The following ZYG11B variants were observed in gnomAD, a reference collection of about 807,000 sequenced individuals.
ZYG11B encodes protein zyg-11 homolog B.
ZYG11B carries 36 observed loss-of-function variants against 82.4 expected under a neutral mutation model. The ratio of observed to expected loss-of-function variants is 0.44; its 90% CI spans 0.33 to 0.58. The LOEUF (loss-of-function observed/expected upper bound fraction) is 0.58, where lower values mean the gene tolerates loss of function less well. Among genes scored for constraint, ZYG11B ranks in the 20% least tolerant of loss-of-function variants. The pLI, the probability that ZYG11B is intolerant of heterozygous loss-of-function variation, is 0.02. For synonymous variants in ZYG11B, 303 were observed against 312.8 expected (o/e 0.97, Z 0.33); for missense variants, 552 against 895.6 (o/e 0.62, Z 4.90).
At chr1:52,797,721 G>T (rs971410172) in intron 8 of ZYG11B, among the ~76,000 whole-genome samples, 3 of 151,020 alleles carry the variant, frequency 2.0e-5, no homozygotes, top group African/African-American at 7.3e-5. Context: ...ATGTTAGCCA[G>T]GATGGTCTCG....
At chr1:52,738,461 A>T (rs557394278) in intron 1 of ZYG11B, among the ~76,000 whole-genome samples, 1 of 151,654 alleles carries the variant, frequency 6.6e-6, no homozygotes, top group Non-Finnish European at 1.5e-5. Context: ...GATTACAGGC[A>T]TGAGCCACTA....
At chr1:52,817,825 T>A (rs1328426273) in intron 13 of ZYG11B, among the ~76,000 whole-genome samples, 65 of 14,044 alleles carry the variant, frequency 4.6e-3, no homozygotes, top group Non-Finnish European at 6.3e-3. Context: ...ATTTTTTTTT[T>A]TTTTTTTTTT....
intron 1 of ZYG11B, among the ~76,000 whole-genome samples, chr1:52,731,226 G>A (rs1164971004): frequency 6.6e-6 from 1 of 151,084 alleles, no homozygotes; most frequent in Non-Finnish European, 1.5e-5. Context: ...TGTGAGCTGC[G>A]ATTGTGCCAC....
In ZYG11B at chr1:52,756,574, A is replaced by G. The variant is rs762739340; in HGVS notation, c.147A>G (p.Val49=). The G allele has an allele frequency of 1.9e-6, 3 of 1,614,136 alleles. No homozygotes were observed. Among genetic ancestry groups the G allele is most frequent in the Admixed American group, 3.3e-5 (2 of 60,002 alleles). The change falls in exon 2 of 14, where the codon GTA becomes GTG. Residue 49 remains valine (V), a synonymous_variant. Transcript: ENST00000294353. ...CATTGTGTCTGCAGGAACCTGGAGT[A>G]TTCCCACAGGAGGTGGCTGATCGAC... ...DGTLCLQEPG[V]FPQEVADRLL...
At chr1:52,801,218 T>C (rs1463360131) in intron 8 of ZYG11B, among the ~76,000 whole-genome samples, 1 of 152,106 alleles carries the variant, frequency 6.6e-6, no homozygotes, top group Middle Eastern at 3.2e-3. Context: ...CAGGGAAGGC[T>C]GAGGAGGGAG....
intron 6 of ZYG11B, among the ~76,000 whole-genome samples, chr1:52,795,644 A>T (rs1029022703): frequency 6.6e-6 from 1 of 152,040 alleles, no homozygotes; most frequent in Non-Finnish European, 1.5e-5. Context: ...GTTCTTTCTT[A>T]CTTCCTCAAA....
chr1:52,749,639 C>T (rs781091610), intron 1 of ZYG11B, among the ~76,000 whole-genome samples: 3 of 151,874 alleles, frequency 2.0e-5, no homozygotes, highest in Non-Finnish European at 4.4e-5. Flanking sequence ...GTTTTGCTCT[C>T]GTCGCCCAGG....
chr1:52,806,961 C>T (rs1281800920), intron 10 of ZYG11B, among the ~76,000 whole-genome samples: 3 of 151,786 alleles, frequency 2.0e-5, no homozygotes, highest in Non-Finnish European at 2.9e-5. Flanking sequence ...CTCCACCTCC[C>T]GGGTTCAAGT....
intron 3 of ZYG11B, among the ~76,000 whole-genome samples, chr1:52,776,248 A>ATATATATATATATATATATATAT (rs1425431576): frequency 2.1e-4 from 20 of 94,758 alleles, no homozygotes; most frequent in Non-Finnish European, 4.6e-4. Context: ...ATATATATGC[A>ATATATATATATATATATATATAT]ATAAAGTTGG....
At chr1:52,734,967 G>A (rs2149918104) in intron 1 of ZYG11B, among the ~76,000 whole-genome samples, 1 of 151,448 alleles carries the variant, frequency 6.6e-6, no homozygotes, top group African/African-American at 2.4e-5. Flanking sequence ...GACCTCAGGT[G>A]ATCCGCCCGC....
rs143885651 is a variant in ZYG11B at position 52,742,485 on chromosome 1, AAG to A, written c.31-13967_31-13966del. 8.4e-3 allele frequency among the ~76,000 whole-genome samples: 1,275 copies of A among 151,896 alleles called. 21 individuals are homozygous for A. The highest frequency in any genetic ancestry group is 0.03 in the African/African-American group (1,226 of 41,422). ...ATAAAAGATAGAAAAAGAGATGTAA[AAG>A]AGAGAATTTTTTTTGTATTTTTTTA... On this transcript the variant is annotated intron_variant, in intron 1 of 13. Transcript: ENST00000294353.
intron 8 of ZYG11B, among the ~76,000 whole-genome samples, chr1:52,797,273 A>ATAAATATTTATATTATATATAT (rs576273107): frequency 2.3e-5 from 2 of 85,524 alleles, no homozygotes; most frequent in African/African-American, 1.1e-4. Context: ...TATTATATAT[A>ATAAATATTTATATTATATATAT]AAATATTTAT....
At chr1:52,814,270 C>G (rs1421338832) in intron 12 of ZYG11B, among the ~76,000 whole-genome samples, 1 of 152,212 alleles carries the variant, frequency 6.6e-6, no homozygotes, top group South Asian at 2.1e-4. Context: ...ATCTGCCTGC[C>G]TGGGCCCCCC....
intron 10 of ZYG11B, among the ~76,000 whole-genome samples, chr1:52,803,265 T>TATACACAC (rs1553262855): frequency 1.4e-5 from 1 of 72,348 alleles, no homozygotes; most frequent in African/African-American, 6.2e-5. Context: ...TATATATATA[T>TATACACAC]ACACACACAC....
At chr1:52,768,320 T>G (rs1308120633) in intron 2 of ZYG11B, among the ~76,000 whole-genome samples, 2 of 152,166 alleles carry the variant, frequency 1.3e-5, no homozygotes, top group Non-Finnish European at 2.9e-5. Context: ...TCTGCGTTGT[T>G]CCATGGGTCC....
At chr1:52,776,248 A>ATATATATATATATAT (rs1425431576) in intron 3 of ZYG11B, among the ~76,000 whole-genome samples, 17 of 94,766 alleles carry the variant, frequency 1.8e-4, no homozygotes, top group Non-Finnish European at 3.4e-4. Context: ...ATATATATGC[A>ATATATATATATATAT]ATAAAGTTGG....
In ZYG11B at chr1:52,816,061, A is replaced by AT. The variant is rs1318315153; in HGVS notation, c.1947-463dup. Among the ~76,000 whole-genome samples the AT allele has an allele frequency of 5.3e-5, 8 of 152,026 alleles. No homozygotes were observed. In the South Asian group the frequency reaches 6.2e-4, roughly 12 times the overall value. On this transcript the variant is annotated intron_variant, in intron 12 of 13. Transcript: ENST00000294353. ...GAAGTATTTAATTTTTATTCAACTTATTTTTTTTGTTTGGTTCATAAATGC... is the reference window on the plus strand; with the variant it reads ...GAAGTATTTAATTTTTATTCAACTTATTTTTTTTTGTTTGGTTCATAAATGC...
chr1:52,772,019 T>G (rs1188797697), intron 3 of ZYG11B, among the ~76,000 whole-genome samples: 1 of 152,210 alleles, frequency 6.6e-6, no homozygotes, highest in African/African-American at 2.4e-5. Context: ...TTCTGAAGAT[T>G]AATAATAATC....
intron 7 of ZYG11B, 144 bp from the exon 8 acceptor site, chr1:52,796,590 C>A: frequency 2.4e-6 from 2 of 830,916 alleles, no homozygotes; most frequent in Non-Finnish European, 3.6e-6. Context: ...GAGGCCGAGG[C>A]AGGCCTCCCA....
Sources: gnomAD v4.1 joint callset for allele counts (sites outside exome capture counted in the v4.1 genomes callset) on GRCh38, gnomAD v4.1.1 for gene constraint, MANE v1.5 for transcripts, NCBI Gene and HGNC (gene_info 2026-07-23, HGNC 2026-07-21) for gene names.